Variants in CERS6 observed in about 807,000 individuals in gnomAD.
CERS6 encodes ceramide synthase 6, also known as LAG1 homolog, ceramide synthase 6.
CERS6 carries 26 observed loss-of-function variants against 56.8 expected under a neutral mutation model. That is an observed-to-expected ratio of 0.46 (90% CI 0.34 to 0.63). The LOEUF (loss-of-function observed/expected upper bound fraction) is 0.63. CERS6 is among the 30% of genes least tolerant of loss of function. The pLI is 0.01. For synonymous variants in CERS6, 164 were observed against 173.3 expected (o/e 0.95, Z 0.42); for missense variants, 415 against 467.5 (o/e 0.89, Z 1.04).
At chr2:168,674,550 T>C (rs973445491) in intron 4 of CERS6, among the ~76,000 whole-genome samples, 1 of 152,266 alleles carries the variant, frequency 6.6e-6, no homozygotes, top group African/African-American at 2.4e-5. Flanking sequence ...GAATATTATT[T>C]ATTTGGCAAA....
In CERS6 at chr2:168,688,516, C is replaced by T. The variant is rs550922197; in HGVS notation, c.466-2518C>T. On this transcript the variant is annotated intron_variant, in intron 4 of 9. Transcript: ENST00000305747. ...GAAATCAGGAGAATCAACTCATGGACTTCGGTTTTCTTATCTATAAATTGG... is the reference window on the plus strand; with the variant it reads ...GAAATCAGGAGAATCAACTCATGGATTTCGGTTTTCTTATCTATAAATTGG... 2.0e-5 allele frequency among the ~76,000 whole-genome samples: 3 copies of T among 152,024 alleles called. No homozygotes were observed. The East Asian group carries it at 5.8e-4, about 29-fold the overall frequency.
intron 1 of CERS6, among the ~76,000 whole-genome samples, chr2:168,541,220 C>T (rs1187046986): frequency 1.3e-5 from 2 of 152,272 alleles, no homozygotes; most frequent in East Asian, 1.9e-4. Flanking sequence ...CTCCATGACC[C>T]GAACACCTTC....
chr2:168,747,018 T>C (rs1406683408), intron 8 of CERS6, among the ~76,000 whole-genome samples: 1 of 151,850 alleles, frequency 6.6e-6, no homozygotes, highest in Non-Finnish European at 1.5e-5. Flanking sequence ...AATCATGTTT[T>C]ATACATATGT....
chr2:168,584,922 C>T (rs1683505536), intron 3 of CERS6, among the ~76,000 whole-genome samples: 1 of 152,184 alleles, frequency 6.6e-6, no homozygotes, highest in Non-Finnish European at 1.5e-5. Context: ...TGAATATTAT[C>T]TCTGGATTTA....
intron 8 of CERS6, among the ~76,000 whole-genome samples, chr2:168,755,789 C>G (rs561840244): frequency 1.6e-4 from 25 of 152,200 alleles, no homozygotes; most frequent in Non-Finnish European, 2.5e-4. Context: ...AGTGGAGTCC[C>G]TCAGAGATGA....
At chr2:168,567,927 G>A (rs1280324745) in intron 3 of CERS6, among the ~76,000 whole-genome samples, 2 of 152,198 alleles carry the variant, frequency 1.3e-5, no homozygotes, top group Non-Finnish European at 1.5e-5. Context: ...TGATGAACCG[G>A]ACTATGGACA....
At chr2:168,598,846 A>G (rs949937316) in intron 3 of CERS6, among the ~76,000 whole-genome samples, 2 of 152,190 alleles carry the variant, frequency 1.3e-5, no homozygotes, top group Non-Finnish European at 1.5e-5. Flanking sequence ...GTAAGTTTGG[A>G]TAGAGTAGGT....
intron 4 of CERS6, among the ~76,000 whole-genome samples, chr2:168,640,356 G>A (rs1044597261): frequency 2.6e-5 from 4 of 152,156 alleles, no homozygotes; most frequent in African/African-American, 9.7e-5. Flanking sequence ...GGAAAAGCTG[G>A]GATTTAAAGG....
At chr2:168,534,570 G>A (rs190554490) in intron 1 of CERS6, among the ~76,000 whole-genome samples, 27 of 152,260 alleles carry the variant, frequency 1.8e-4, no homozygotes, top group African/African-American at 6.3e-4. Flanking sequence ...CACTCAAGGA[G>A]GCTGGAGAAC....
At chr2:168,512,841 T>A (rs1255786608) in intron 1 of CERS6, among the ~76,000 whole-genome samples, 3 of 152,030 alleles carry the variant, frequency 2.0e-5, no homozygotes, top group Non-Finnish European at 4.4e-5. Flanking sequence ...CTAAGTTTTG[T>A]ATTTTTAGTA....
intron 6 of CERS6, among the ~76,000 whole-genome samples, chr2:168,700,532 T>C (rs1371639451): frequency 1.3e-5 from 2 of 152,162 alleles, no homozygotes; most frequent in East Asian, 3.9e-4. Context: ...AGGTTACATA[T>C]TGTAATAAAG....
chr2:168,569,318 C>T (rs1695939163), intron 3 of CERS6, among the ~76,000 whole-genome samples: 2 of 152,220 alleles, frequency 1.3e-5, no homozygotes, highest in Admixed American at 6.5e-5. Flanking sequence ...AAGGCAGTCA[C>T]ATTGGGAGGT....
chr2:168,532,810 CAACAAAT>C (rs1695191665), intron 1 of CERS6, among the ~76,000 whole-genome samples: 1 of 152,126 alleles, frequency 6.6e-6, no homozygotes, highest in Admixed American at 6.5e-5. Context: ...CATTGTTTGG[CAACAAAT>C]ACCGGTAACC....
At chr2:168,720,958 C>A (rs1687350179) in intron 8 of CERS6, among the ~76,000 whole-genome samples, 1 of 152,118 alleles carries the variant, frequency 6.6e-6, no homozygotes, top group African/African-American at 2.4e-5. Flanking sequence ...TGCTTCGTGG[C>A]CAGTGATGGA....
chr2:168,580,173 G>C (rs1243417619), intron 3 of CERS6, among the ~76,000 whole-genome samples: 1 of 151,892 alleles, frequency 6.6e-6, no homozygotes, highest in African/African-American at 2.4e-5. Flanking sequence ...GTTTTATTCA[G>C]TCCGGACACA....
At chr2:168,705,965 G>C (rs952344447) in intron 6 of CERS6, among the ~76,000 whole-genome samples, 4 of 152,182 alleles carry the variant, frequency 2.6e-5, no homozygotes, top group African/African-American at 9.7e-5. Context: ...GCAAACTAGT[G>C]TGATTGAGCC....
chr2:168,654,883 A>G (rs886779486), intron 4 of CERS6, among the ~76,000 whole-genome samples: 1 of 152,216 alleles, frequency 6.6e-6, no homozygotes, highest in Non-Finnish European at 1.5e-5. Flanking sequence ...GAAGACCAGG[A>G]AGTTTGTTTT....
At position 168,769,546 on chromosome 2, in the gene CERS6, T is replaced by G. The variant is rs1385558972; in HGVS notation, c.1039T>G (p.Ser347Ala). The change falls in exon 10 of 10, where the codon TCA becomes GCA. Residue 347 changes from serine to alanine, a missense_variant. Ser to Ala is a moderately conservative substitution (Grantham distance 99). Coordinates refer to ENST00000305747, the MANE Select transcript of CERS6 (RefSeq NM_203463.3). ...TGATCGAAGTGATATTGAGTCTAGC[T>G]CAGATGAGGAGGACTCAGAACCTCC... is the stretch of plus-strand genomic sequence containing the variant. ...KDDRSDIESS[S>A]DEEDSEPPGK... 1.9e-6 allele frequency: 3 copies of G among 1,611,272 alleles called. No homozygotes were observed. The highest frequency in any genetic ancestry group is 2.5e-6 in the Non-Finnish European group (3 of 1,179,214).
chr2:168,479,008 G>A (rs1044075428), intron 1 of CERS6, among the ~76,000 whole-genome samples: 1 of 152,102 alleles, frequency 6.6e-6, no homozygotes, highest in African/African-American at 2.4e-5. Context: ...GTCAGAAATG[G>A]GAACTCCAGA....
Sources: allele counts gnomAD v4.1 joint callset (sites outside exome capture counted in the v4.1 genomes callset), GRCh38; gene constraint gnomAD v4.1.1; transcripts MANE v1.5; gene names NCBI Gene and HGNC (gene_info 2026-07-23, HGNC 2026-07-21).